The following IL17B variants were observed in gnomAD, a reference collection of about 807,000 sequenced individuals.
IL17B encodes the protein interleukin-17B.
In IL17B, 14 loss-of-function variants were observed where a neutral mutation model predicts 14.7. The ratio of observed to expected loss-of-function variants is 0.95; its 90% CI spans 0.63 to 1.49. IL17B has a LOEUF of 1.49. Ranked by LOEUF, IL17B falls within the 40% of genes most tolerant of loss-of-function variation. IL17B has a pLI of 0.00. For synonymous variants in IL17B, 105 were observed against 94.8 expected, an observed-to-expected ratio of 1.11 and a Z score of -0.62; for missense variants, 233 against 252.8, an observed-to-expected ratio of 0.92 and a Z score of 0.53.
chr5:149,388,697 A>G (rs763437488), intron 1 of IL17B, among the ~76,000 whole-genome samples: 2 of 152,196 alleles, frequency 1.3e-5, no homozygotes, highest in Non-Finnish European at 2.9e-5. Context: ...CCTTATCCCT[A>G]TGCTACATAG....
At chr5:149,402,570 T>G (rs1759227483) in intron 1 of IL17B, among the ~76,000 whole-genome samples, 1 of 151,404 alleles carries the variant, frequency 6.6e-6, no homozygotes, top group African/African-American at 2.4e-5. Context: ...ACACACAAAT[T>G]CAACCTCCAG....
At position 149,376,888 on chromosome 5, in the gene IL17B, C is replaced by T; in HGVS notation, c.159G>A (p.Met53Ile). 6.2e-7 allele frequency: 1 copy of T among 1,614,160 alleles called. No individual in the cohort carries two copies. Among genetic ancestry groups the T allele is most frequent in the Middle Eastern group, 1.6e-4 (1 of 6,062 alleles). ...ACTCCTCCATGCGGGCATACGGTTTCATCCGTGACACCAGGTCCAGTGGCA... is the reference window on the plus strand; with the variant it reads ...ACTCCTCCATGCGGGCATACGGTTTTATCCGTGACACCAGGTCCAGTGGCA... ...HQVPLDLVSR[M>I]KPYARMEEYE... The change falls in exon 2 of 3, where the codon ATG (methionine) becomes ATA (isoleucine). Residue 53 changes from methionine to isoleucine, a missense_variant. By Grantham distance (10) the Met-to-Ile change is conservative. Transcript: ENST00000261796.
At chr5:149,376,704 C>G (rs778274262) in intron 2 of IL17B, 32 bp downstream of exon 2, 1 of 1,572,470 alleles carries the variant, frequency 6.4e-7, no homozygotes, top group South Asian at 1.2e-5. Context: ...CCCCACCCCC[C>G]AAAGACAGCT....
intron 1 of IL17B, among the ~76,000 whole-genome samples, chr5:149,394,983 G>T (rs1053398952): frequency 1.3e-5 from 2 of 152,112 alleles, no homozygotes; most frequent in Non-Finnish European, 2.9e-5. Flanking sequence ...GGTAACAAAC[G>T]TAATACCTGA....
rs759148128 is a variant in IL17B at position 149,376,783 on chromosome 5, C to T, written c.264G>A (p.Leu88=). The part of the protein sequence containing the change: ...ELAQRKCEVN[L]QLWMSNKRSL... ...TCCTCTTGTTGGACATCCACAGCTG[C>T]AAGTTGACCTCACACTTTCTCTGGG... The change falls in exon 2 of 3, where the codon TTG becomes TTA. Residue 88 remains leucine (L), a synonymous_variant. Coordinates refer to ENST00000261796, the MANE Select transcript of IL17B (RefSeq NM_014443.3). 1.2e-6 allele frequency: 2 copies of T among 1,613,506 alleles called. No homozygotes were observed. The highest frequency in any genetic ancestry group is 2.7e-5 in the African/African-American group (2 of 74,938).
rs1485954116 is a variant in IL17B, at chr5:149,374,660, C to CCATA, written c.312-64_312-61dup. The CCATA allele has an allele frequency of 2.5e-5, 32 of 1,284,672 alleles. No individual in the cohort carries two copies. Among genetic ancestry groups the CCATA allele is most frequent in the Non-Finnish European group, 3.3e-5 (30 of 905,442 alleles). 79.6% of individuals were successfully genotyped at this position (1,284,672 alleles called of 1,614,324 possible). A position where few individuals can be genotyped will look rare whatever the true frequency, so the allele number is the denominator to read the frequency against. On this transcript the variant is annotated intron_variant, in intron 2 of 2. Transcript: ENST00000261796. This position sits in a 1 kb window ranked among gnomAD's most constrained non-coding sequence, Gnocchi z 5.0. ...TGATCAGGAAAGGGCCAGTCAGCAC[C>CCATA]CATACTCCACACCCCTGCCTTTCCT...
chr5:149,377,910 G>A lies in IL17B; in HGVS notation c.22-885C>T, dbSNP rs137889786. ...TGTAATGCCAGCACTTTGGGAGGCC[G>A]AGGCGGGCAGATCACAAAGTCAGGA... On this transcript the variant is annotated intron_variant, in intron 1 of 2. Transcript: ENST00000261796. Among the ~76,000 whole-genome samples the A allele has an allele frequency of 7.4e-3, 1,132 of 152,268 alleles. 10 individuals carry two copies. The highest frequency in any genetic ancestry group is 0.026 in the African/African-American group (1,074 of 41,546).
intron 1 of IL17B, among the ~76,000 whole-genome samples, chr5:149,386,405 C>T (rs1441551019): frequency 2.0e-5 from 3 of 152,076 alleles, no homozygotes; most frequent in Admixed American, 1.3e-4. Context: ...CCTTGATGGC[C>T]GTAGCCAAGG....
chr5:149,387,200 T>C (rs1429345611), intron 1 of IL17B, among the ~76,000 whole-genome samples: 1 of 152,210 alleles, frequency 6.6e-6, no homozygotes, highest in African/African-American at 2.4e-5. Flanking sequence ...GAAGGTACAA[T>C]GTCTCCAGAA....
chr5:149,402,815 A>C (rs1362720327), intron 1 of IL17B, among the ~76,000 whole-genome samples: 5 of 151,686 alleles, frequency 3.3e-5, no homozygotes, highest in African/African-American at 1.2e-4. Context: ...CATCCTGGCT[A>C]ACACGGTGAA....
intron 1 of IL17B, among the ~76,000 whole-genome samples, chr5:149,389,848 T>C (rs1033146135): frequency 6.6e-6 from 1 of 152,214 alleles, no homozygotes; most frequent in Non-Finnish European, 1.5e-5. Context: ...CTTCTAATTA[T>C]AGGATTTGTT....
chr5:149,403,949 C>G (rs1388044230), intron 1 of IL17B, among the ~76,000 whole-genome samples: 2 of 152,146 alleles, frequency 1.3e-5, no homozygotes, highest in Non-Finnish European at 2.9e-5. Flanking sequence ...CCGGCTCTCC[C>G]AGGGCCCATG....
At chr5:149,379,158 T>G (rs751655270) in intron 1 of IL17B, 47 bp downstream of exon 1, 5 of 1,612,458 alleles carry the variant, frequency 3.1e-6, no homozygotes, top group Admixed American at 3.3e-5. Context: ...CTGACATATT[T>G]GGGCTCTTAA....
rs562843423 is a variant in IL17B, at chr5:149,393,100, A to G, written n.95+11008T>C. 5.3e-5 allele frequency among the ~76,000 whole-genome samples: 8 copies of G among 152,224 alleles called. No individual in the cohort carries two copies. In the East Asian group the frequency reaches 1.4e-3, roughly 26 times the overall value. The stretch of plus-strand genomic sequence containing the variant: ...TTGTTTTCCCCTTTCCTTCCTCAGC[A>G]GCAAGTTACCTAACCCGTTTATTGT... On this transcript the variant is annotated intron_variant and non_coding_transcript_variant, in intron 1 of 2. Transcript: ENST00000505432.
upstream of IL17B, among the ~76,000 whole-genome samples, chr5:149,382,228 G>A (rs547981045): frequency 6.6e-6 from 1 of 152,298 alleles, no homozygotes; most frequent in African/African-American, 2.4e-5. Context: ...CCCTATTGTT[G>A]ATGAGGACCA....
intron 1 of IL17B, among the ~76,000 whole-genome samples, chr5:149,389,997 T>C (rs1758905036): frequency 6.6e-6 from 1 of 152,064 alleles, no homozygotes; most frequent in African/African-American, 2.4e-5. Context: ...CAGAGTCAAC[T>C]TCAGCCAAGG....
chr5:149,375,890 A>C (rs564424153), intron 2 of IL17B, among the ~76,000 whole-genome samples: 1 of 152,196 alleles, frequency 6.6e-6, no homozygotes, highest in African/African-American at 2.4e-5. Flanking sequence ...AACAAAAAAT[A>C]AAAAAATTAA....
In IL17B at chr5:149,375,351, C is replaced by T. The variant is rs548573291; in HGVS notation, c.312-751G>A. Among the ~76,000 whole-genome samples, 10 of 152,272 alleles carry T rather than the reference C, an allele frequency of 6.6e-5. No homozygotes were observed. The East Asian group carries it at 7.7e-4, about 12-fold the overall frequency. ...CCTCGGTTTCCCCATCTGCTAAATA[C>T]GGGACAAGGAAGTGGGTGAACTGGA... On this transcript the variant is annotated intron_variant, in intron 2 of 2. Coordinates refer to ENST00000261796, the MANE Select transcript of IL17B (RefSeq NM_014443.3).
chr5:149,385,866 C>A (rs758699183), intron 1 of IL17B, among the ~76,000 whole-genome samples: 1 of 152,198 alleles, frequency 6.6e-6, no homozygotes, highest in Non-Finnish European at 1.5e-5. Flanking sequence ...TTCAGCCCCC[C>A]AGAGCCGCTC....
Sources: gnomAD v4.1 joint callset for allele counts (sites outside exome capture counted in the v4.1 genomes callset) on GRCh38, gnomAD v4.1.1 for gene constraint, Gnocchi (gnomAD v3.1) non-coding constraint, MANE v1.5 for transcripts, NCBI Gene and HGNC (gene_info 2026-07-23, HGNC 2026-07-21) for gene names.